CLIC5: variants seen among roughly 807,000 people sequenced by gnomAD.
CLIC5 encodes chloride intracellular channel protein 5.
CLIC5 carries 20 observed loss-of-function variants against 24.7 expected under a neutral mutation model. That is an observed-to-expected ratio of 0.81 (90% confidence interval 0.57 to 1.18). The LOEUF is 1.18. Among genes scored for constraint, CLIC5 ranks in the 50% most tolerant of loss-of-function variants. The pLI is 0.00. For synonymous variants in CLIC5, 159 were observed against 135.6 expected (o/e 1.17, Z -1.20); for missense variants, 341 against 326.1 (o/e 1.05, Z -0.35).
intron 1 of CLIC5, among the ~76,000 whole-genome samples, chr6:45,990,764 A>C (rs987628169): frequency 1.3e-5 from 2 of 152,236 alleles, no homozygotes; most frequent in East Asian, 3.8e-4. Flanking sequence ...TTTGCAATAT[A>C]ATGATAACCT....
chr6:45,958,447 T>TACACACACACACACACACACACACAC (rs1446493409), intron 1 of CLIC5, among the ~76,000 whole-genome samples: 986 of 72,130 alleles, frequency 0.014, 124 homozygotes, highest in Non-Finnish European at 0.02. Context: ...TATATATATA[T>TACACACACACACACACACACACACAC]ATATATATAT....
rs1325800760 is a variant in CLIC5 at position 45,925,191 on chromosome 6, T to C, written c.407-10782A>G. Among the ~76,000 whole-genome samples, 5 of 152,322 alleles carry C rather than the reference T, an allele frequency of 3.3e-5. No individual in the cohort carries two copies. The East Asian group carries it at 9.6e-4, about 29-fold the overall frequency. On this transcript the variant is annotated intron_variant, in intron 4 of 5. Coordinates refer to ENST00000339561, the MANE Select transcript of CLIC5 (RefSeq NM_016929.5). The stretch of plus-strand genomic sequence containing the variant: ...GCATGGTTCATAGTAAAATGCTATA[T>C]AGGTTTTGCTAATAAAATACATGTT...
At chr6:46,034,652 ACT>A (rs1486815032) in intron 1 of CLIC5, among the ~76,000 whole-genome samples, 2 of 152,158 alleles carry the variant, frequency 1.3e-5, no homozygotes, top group African/African-American at 4.8e-5. Context: ...AGCTTTGGGC[ACT>A]CTGTCAAATC....
chr6:45,884,477 G>T (rs377295710), intron 6 of CLIC5, among the ~76,000 whole-genome samples: 1 of 152,180 alleles, frequency 6.6e-6, no homozygotes, highest in Admixed American at 6.5e-5. Flanking sequence ...TGTACTTTCC[G>T]CTGATCAGGA....
chr6:46,036,532 C>A (rs2127458488), intron 1 of CLIC5, among the ~76,000 whole-genome samples: 1 of 151,588 alleles, frequency 6.6e-6, no homozygotes, highest in Non-Finnish European at 1.5e-5. Context: ...GAATGGTCTC[C>A]TTCTCCTGAC....
intron 1 of CLIC5, among the ~76,000 whole-genome samples, chr6:46,046,340 A>C (rs1216062610): frequency 6.6e-6 from 1 of 152,232 alleles, no homozygotes; most frequent in Non-Finnish European, 1.5e-5. Context: ...TAAAATCAAC[A>C]GCAAAACAAG....
intron 4 of CLIC5, among the ~76,000 whole-genome samples, chr6:45,928,750 C>A (rs1358549098): frequency 6.8e-6 from 1 of 147,496 alleles, no homozygotes; most frequent in Non-Finnish European, 1.5e-5. Flanking sequence ...AACATCAGAA[C>A]ACACACGAAG....
At chr6:45,911,055 A>G (rs1192112413) in intron 5 of CLIC5, among the ~76,000 whole-genome samples, 1 of 152,214 alleles carries the variant, frequency 6.6e-6, no homozygotes, top group East Asian at 1.9e-4. Context: ...CCCTGGCACC[A>G]GCTGAGCATC....
chr6:46,037,906 G>A (rs187044061), intron 1 of CLIC5, among the ~76,000 whole-genome samples: 61 of 152,326 alleles, frequency 4.0e-4, no homozygotes, highest in East Asian at 3.9e-3. Context: ...ACATTTTGCT[G>A]TGTGGGTGGA....
chr6:45,921,952 C>T (rs1161419271), intron 4 of CLIC5, among the ~76,000 whole-genome samples: 1 of 152,126 alleles, frequency 6.6e-6, no homozygotes, highest in Non-Finnish European at 1.5e-5. Flanking sequence ...CCCAGGGGCT[C>T]ACATGGGGGA....
Position 45,902,811 on chromosome 6 carries a change from A to G in CLIC5, c.*277T>C. The G allele has an allele frequency of 2.1e-6, 1 of 471,068 alleles. No homozygotes were observed. The highest frequency in any genetic ancestry group is 2.0e-5 in the African/African-American group (1 of 49,904). 29.2% of individuals were successfully genotyped at this position (471,068 alleles called of 1,614,324 possible). ...GGCAATCCCATATGTGGGCTCTCCAACACTGACTGACCCCAAACATGCTGA... is the reference window on the plus strand; with the variant it reads ...GGCAATCCCATATGTGGGCTCTCCAGCACTGACTGACCCCAAACATGCTGA... On this transcript the variant is annotated 3_prime_UTR_variant, in exon 6 of 6. Transcript: ENST00000339561.
At chr6:46,125,077 G>A in the CLIC5 span, among the ~76,000 whole-genome samples, 3 of 152,106 alleles carry the variant, frequency 2.0e-5, no homozygotes, top group African/African-American at 7.2e-5. Context: ...CCATAACTAG[G>A]TATATACCCA....
chr6:46,125,399 G>A, the CLIC5 span, among the ~76,000 whole-genome samples: 1 of 152,094 alleles, frequency 6.6e-6, no homozygotes, highest in Non-Finnish European at 1.5e-5. Context: ...ACCCAGGAAG[G>A]GGAACATCAC....
the CLIC5 span, among the ~76,000 whole-genome samples, chr6:46,099,960 G>C: frequency 6.6e-6 from 1 of 151,702 alleles, no homozygotes; most frequent in Non-Finnish European, 1.5e-5. Context: ...ATGCCTTCCT[G>C]AGGTTACTTA....
intron 1 of CLIC5, among the ~76,000 whole-genome samples, chr6:45,974,365 C>T (rs1312322299): frequency 2.0e-5 from 3 of 151,300 alleles, no homozygotes; most frequent in Non-Finnish European, 4.4e-5. Context: ...TTCCAGGCAC[C>T]TATGGAAAGA....
At chr6:46,028,446 A>G (rs1767403902) in intron 1 of CLIC5, among the ~76,000 whole-genome samples, 1 of 152,170 alleles carries the variant, frequency 6.6e-6, no homozygotes, top group Non-Finnish European at 1.5e-5. Context: ...AACAGTACTG[A>G]CCCTCTGCAT....
At chr6:46,118,587 T>G in the CLIC5 span, among the ~76,000 whole-genome samples, 11 of 152,232 alleles carry the variant, frequency 7.2e-5, no homozygotes, top group African/African-American at 2.7e-4. Flanking sequence ...AAAAGTATAG[T>G]GCTTTGCACC....
At position 46,015,610 on chromosome 6, in the gene CLIC5, C is replaced by T; in HGVS notation, c.-68G>A. ...CACCTCTGCAGCACCTGGGCCAGCA[C>T]TCTGCGCTCCTGCCGCTGCCCAGCG... On this transcript the variant is annotated 5_prime_UTR_variant, in exon 1 of 6. It adds an upstream start codon to the 5' untranslated region. Transcript: ENST00000339561. 1 of 1,445,354 alleles carries T rather than the reference C, an allele frequency of 6.9e-7. No individual in the cohort carries two copies. The highest frequency in any genetic ancestry group is 9.2e-7 in the Non-Finnish European group (1 of 1,092,272). 89.5% of individuals were successfully genotyped at this position (1,445,354 alleles called of 1,614,324 possible).
intron 4 of CLIC5, among the ~76,000 whole-genome samples, chr6:45,928,312 G>C (rs972004391): frequency 6.6e-6 from 1 of 152,216 alleles, no homozygotes; most frequent in East Asian, 1.9e-4. Context: ...TTGCTAGAAG[G>C]TTCAGTGCAC....
Sources: gnomAD v4.1 joint callset for allele counts (sites outside exome capture counted in the v4.1 genomes callset) on GRCh38, gnomAD v4.1.1 for gene constraint, MANE v1.5 for transcripts, NCBI Gene and HGNC (gene_info 2026-07-23, HGNC 2026-07-21) for gene names.